The following ANXA4 variants were observed in gnomAD, a reference collection of about 807,000 sequenced individuals.
ANXA4 encodes 35-beta calcimedin.
ANXA4 carries 39 observed loss-of-function variants against 49.8 expected under a neutral mutation model. The ratio of observed to expected loss-of-function variants is 0.78; its 90% CI spans 0.61 to 1.02. The LOEUF (loss-of-function observed/expected upper bound fraction) is 1.02, where lower values mean the gene tolerates loss of function less well. ANXA4 is among the 50% of genes least tolerant of loss of function. The probability of loss-of-function intolerance (pLI) is 0.00; values close to 1 mark genes in which losing one functional copy is unlikely to be tolerated. For missense variants in ANXA4, 360 were observed against 410.1 expected (o/e 0.88, Z 1.05); for synonymous variants, 134 against 152.5 (o/e 0.88, Z 0.89).
rs529415416 is a variant in ANXA4, at chr2:69,664,747, G to A, written n.766+11465G>A. 1.2e-4 allele frequency among the ~76,000 whole-genome samples: 18 copies of A among 152,252 alleles called. No homozygotes were observed. The South Asian group carries it at 3.7e-3, about 32-fold the overall frequency. On this transcript the variant is annotated intron_variant and non_coding_transcript_variant, in intron 2 of 3. Coordinates refer to the ANXA4 transcript ENST00000418066. ...ACCTCAATCAAGAGATGGCATCTAT[G>A]TCCTTTCCCCTTGAACCCAGGTAGG...
intron 3 of ANXA4, among the ~76,000 whole-genome samples, chr2:69,792,846 C>T (rs1228709975): frequency 6.6e-6 from 1 of 151,604 alleles, no homozygotes; most frequent in Non-Finnish European, 1.5e-5. Flanking sequence ...GTGCTGGATG[C>T]AGATAATGTT....
intron 2 of ANXA4, among the ~76,000 whole-genome samples, chr2:69,691,617 A>T (rs1677973811): frequency 6.6e-6 from 1 of 151,968 alleles, no homozygotes; most frequent in Non-Finnish European, 1.5e-5. Context: ...GCACATATGC[A>T]TGCCTATAGC....
chr2:69,809,319 C>G (rs1439073395), intron 6 of ANXA4: 1 of 152,164 alleles, frequency 6.6e-6, no homozygotes, highest in African/African-American at 2.4e-5. Context: ...GCAGGAGATT[C>G]TAAACCTTAG....
chr2:69,691,648 C>T (rs908738098), intron 2 of ANXA4, among the ~76,000 whole-genome samples: 2 of 152,010 alleles, frequency 1.3e-5, no homozygotes, highest in African/African-American at 2.4e-5. Context: ...AGAAACTAGC[C>T]ACAGAACCCA....
intron 1 of ANXA4, among the ~76,000 whole-genome samples, chr2:69,650,101 A>G (rs181840104): frequency 6.8e-6 from 1 of 147,186 alleles, no homozygotes; most frequent in East Asian, 2.0e-4. Context: ...ATGCCCGGCT[A>G]ATTTTTGTAT....
At chr2:69,728,562 G>T (rs902683213) in intron 3 of ANXA4, among the ~76,000 whole-genome samples, 4 of 152,026 alleles carry the variant, frequency 2.6e-5, no homozygotes, top group Non-Finnish European at 4.4e-5. Flanking sequence ...ATTTAAATAG[G>T]TATCAAAATT....
intron 1 of ANXA4, among the ~76,000 whole-genome samples, chr2:69,778,151 C>T (rs1672037038): frequency 6.6e-6 from 1 of 152,168 alleles, no homozygotes; most frequent in Non-Finnish European, 1.5e-5. Flanking sequence ...CAGGATTTCA[C>T]CCATGAGCTA....
chr2:69,724,013 G>A (rs1198760832), intron 3 of ANXA4, among the ~76,000 whole-genome samples: 2 of 152,240 alleles, frequency 1.3e-5, no homozygotes, highest in South Asian at 4.1e-4. Flanking sequence ...CCAGCTCCTC[G>A]GTGGGCTGAG....
intron 3 of ANXA4, among the ~76,000 whole-genome samples, chr2:69,792,766 C>G (rs1672747705): frequency 6.6e-6 from 1 of 152,158 alleles, no homozygotes; most frequent in Non-Finnish European, 1.5e-5. Flanking sequence ...TAGTTTCAAT[C>G]ACATGTTATA....
chr2:69,825,895 T>TGAA lies in ANXA4; in HGVS notation c.*380_*381insGAA, dbSNP rs2103920473. ...ACTGTTCTAAAATCACTTTTTTCCC[T>TGAA]AATCCAATTTTTAGAGTGGCTAGTA... On this transcript the variant is annotated 3_prime_UTR_variant, in exon 13 of 13. Transcript: ENST00000394295. 6.3e-6 allele frequency: 1 copy of TGAA among 157,646 alleles called. No homozygotes were observed. The highest frequency in any genetic ancestry group is 2.0e-4 in the South Asian group (1 of 4,954). The allele number at this position is 157,646 out of a possible 1,614,324, so 9.8% of individuals were successfully genotyped here. A position where few individuals can be genotyped will look rare whatever the true frequency, so the allele number is the denominator to read the frequency against.
At chr2:69,806,647 A>G in intron 5 of ANXA4, 149 bp downstream of exon 5, 2 of 629,308 alleles carry the variant, frequency 3.2e-6, no homozygotes, top group Non-Finnish European at 5.7e-6. Context: ...GTACATGTAC[A>G]CCATGGAATA....
intron 1 of ANXA4, among the ~76,000 whole-genome samples, chr2:69,757,643 A>G (rs1370644067): frequency 2.0e-5 from 3 of 151,620 alleles, no homozygotes; most frequent in African/African-American, 7.3e-5. Context: ...ACAATTTACT[A>G]ATGGCCAAAT....
chr2:69,791,275 G>A lies in ANXA4; in HGVS notation c.97+3134G>A, dbSNP rs114256884. Reference sequence around the variant, plus strand: ...GATATGAGGCCAGTTTTCCCCAGGGGCTTTTATTGGCTCAGCAAGTTAAGC... The same window carrying A: ...GATATGAGGCCAGTTTTCCCCAGGGACTTTTATTGGCTCAGCAAGTTAAGC... On this transcript the variant is annotated intron_variant, in intron 3 of 12. Transcript: ENST00000394295. 5.6e-3 allele frequency among the ~76,000 whole-genome samples: 846 copies of A among 152,284 alleles called. 6 individuals carry two copies. Among genetic ancestry groups the A allele is most frequent in the African/African-American group, 0.019 (793 of 41,542 alleles).
chr2:69,812,888 T>C (rs1434637794), intron 8 of ANXA4, among the ~76,000 whole-genome samples, 179 bp downstream of exon 8: 7 of 152,246 alleles, frequency 4.6e-5, no homozygotes, highest in Admixed American at 3.3e-4. Context: ...TACCTGGGGC[T>C]GGACATCATT....
At chr2:69,778,665 C>T (rs1235064443) in intron 1 of ANXA4, among the ~76,000 whole-genome samples, 1 of 151,264 alleles carries the variant, frequency 6.6e-6, no homozygotes, top group Non-Finnish European at 1.5e-5. Flanking sequence ...ATCCCAGCTA[C>T]TCGGGAGGCT....
intron 2 of ANXA4, among the ~76,000 whole-genome samples, chr2:69,672,153 C>T (rs988289239): frequency 6.6e-5 from 10 of 152,142 alleles, no homozygotes; most frequent in African/African-American, 2.2e-4. Context: ...TCATGAACCA[C>T]AGTTACATGA....
At chr2:69,727,448 G>T (rs936759974) in intron 3 of ANXA4, among the ~76,000 whole-genome samples, 2 of 152,080 alleles carry the variant, frequency 1.3e-5, no homozygotes, top group Non-Finnish European at 2.9e-5. Context: ...ACATTCTGGT[G>T]TGTGCAGCAG....
At chr2:69,710,932 G>A (rs1274419296) in intron 2 of ANXA4, among the ~76,000 whole-genome samples, 1 of 152,056 alleles carries the variant, frequency 6.6e-6, no homozygotes, top group African/African-American at 2.4e-5. Flanking sequence ...TATACAACCC[G>A]GCAACTCTCC....
At chr2:69,823,500 T>TA (rs142862972) in intron 12 of ANXA4, among the ~76,000 whole-genome samples, 49 of 152,078 alleles carry the variant, frequency 3.2e-4, no homozygotes, top group African/African-American at 1.0e-3. Context: ...CAGTGACATG[T>TA]AAAAAGCTTA....
Sources: allele counts gnomAD v4.1 joint callset (sites outside exome capture counted in the v4.1 genomes callset), GRCh38; gene constraint gnomAD v4.1.1; transcripts MANE v1.5; gene names NCBI Gene and HGNC (gene_info 2026-07-23, HGNC 2026-07-21).